Variants in PSD3 observed in about 807,000 individuals in gnomAD.
PSD3 encodes the protein PH and SEC7 domain-containing protein 3.
PSD3 carries 49 observed loss-of-function variants against 105.5 expected under a neutral mutation model. The ratio of observed to expected loss-of-function variants is 0.46; its 90% confidence interval spans 0.37 to 0.59. The LOEUF (loss-of-function observed/expected upper bound fraction) is 0.59. PSD3 is among the 20% of genes least tolerant of loss of function. The pLI is 0.00. For missense variants in PSD3, 1,561 were observed against 1,263.8 expected (o/e 1.24, Z -3.57); for synonymous variants, 557 against 457.8 (o/e 1.22, Z -2.77).
intron 9 of PSD3, among the ~76,000 whole-genome samples, chr8:18,741,661 C>T (rs993164179): frequency 6.6e-6 from 1 of 152,040 alleles, no homozygotes; most frequent in African/African-American, 2.4e-5. Context: ...TTTTAAAATC[C>T]AATCCTGTGC....
chr8:18,749,335 AGAC>A (rs760518733), intron 9 of PSD3, among the ~76,000 whole-genome samples: 1 of 152,228 alleles, frequency 6.6e-6, no homozygotes, highest in African/African-American at 2.4e-5. Context: ...ACGTTTCAAT[AGAC>A]GACAAGGTGC....
At chr8:19,026,218 G>T (rs1451625045) in intron 1 of PSD3, among the ~76,000 whole-genome samples, 2 of 152,130 alleles carry the variant, frequency 1.3e-5, no homozygotes, top group African/African-American at 4.8e-5. Flanking sequence ...AGGTTTGGGT[G>T]GCGACACAGC....
At position 18,918,283 on chromosome 8, in the gene PSD3, C is replaced by G. The variant is rs1485122172; in HGVS notation, c.130+17751G>C. Among the ~76,000 whole-genome samples, 3 of 152,120 alleles carry G rather than the reference C, an allele frequency of 2.0e-5. No homozygotes were observed. The East Asian group carries it at 5.8e-4, about 29-fold the overall frequency. ...GTCAAAACATCTTTCTTCCCAGCAC[C>G]CGTTCTAAATTATCTTCAAAAACTC... On this transcript the variant is annotated intron_variant, in intron 2 of 15. Transcript: ENST00000327040.
chr8:19,012,819 G>C (rs535440430), intron 1 of PSD3, among the ~76,000 whole-genome samples: 10 of 152,292 alleles, frequency 6.6e-5, no homozygotes, highest in African/African-American at 2.4e-4. Context: ...AGTTATTCTG[G>C]AGCGGAAATC....
chr8:18,865,475 T>G (rs2129456302), intron 4 of PSD3, among the ~76,000 whole-genome samples: 1 of 151,636 alleles, frequency 6.6e-6, no homozygotes, highest in South Asian at 2.1e-4. Flanking sequence ...CTTAGGATCA[T>G]TAAACCTGCC....
intron 9 of PSD3, among the ~76,000 whole-genome samples, chr8:18,692,842 T>A (rs1801046219): frequency 6.6e-6 from 1 of 152,144 alleles, no homozygotes; most frequent in African/African-American, 2.4e-5. Context: ...CCTCACTGGA[T>A]AAGGTCTCTC....
chr8:19,030,475 G>T lies in PSD3; in HGVS notation c.324+53731C>A, dbSNP rs141220917. ...GGTGAATGATCCATGGCTTGGTGTT[G>T]TCTTTCTGATAGTGAGTTCTCATGA... On this transcript the variant is annotated intron_variant, in intron 1 of 1. Coordinates refer to the PSD3 transcript ENST00000521475. Among the ~76,000 whole-genome samples the T allele has an allele frequency of 6.2e-3, 947 of 152,186 alleles. 6 individuals are homozygous for T. Among genetic ancestry groups the T allele is most frequent in the South Asian group, 0.026 (123 of 4,822 alleles).
chr8:18,858,011 T>C (rs551879446), intron 4 of PSD3, among the ~76,000 whole-genome samples: 2 of 152,174 alleles, frequency 1.3e-5, no homozygotes, highest in Non-Finnish European at 2.9e-5. Context: ...CTCATTAGCA[T>C]TCATGAGAAA....
chr8:18,953,059 T>C (rs1377918065), intron 1 of PSD3, among the ~76,000 whole-genome samples: 1 of 152,074 alleles, frequency 6.6e-6, no homozygotes, highest in Non-Finnish European at 1.5e-5. Context: ...AGGCAGAAGA[T>C]AAAAACAGAC....
chr8:18,995,738 C>G (rs942677568), intron 1 of PSD3, among the ~76,000 whole-genome samples: 3 of 151,992 alleles, frequency 2.0e-5, no homozygotes, highest in African/African-American at 4.8e-5. Context: ...TACATAGTGG[C>G]AGGCAAGAGA....
rs1182186491 is a variant in PSD3 at position 19,013,703 on chromosome 8, C to G, written c.-120G>C. The G allele has an allele frequency of 3.4e-6, 3 of 886,196 alleles. No homozygotes were observed. The highest frequency in any genetic ancestry group is 4.7e-5 in the East Asian group (1 of 21,504). 54.9% of individuals were successfully genotyped at this position (886,196 alleles called of 1,614,324 possible). The stretch of plus-strand genomic sequence containing the variant: ...CTCTTTGTTGAGCTCCCGGGACTGC[C>G]GAGAGGCGGCGGCCCGCGCGCACCC... On this transcript the variant is annotated 5_prime_UTR_variant, in exon 1 of 16. Coordinates refer to ENST00000327040, the MANE Select transcript of PSD3 (RefSeq NM_015310.4).
At chr8:18,575,323 C>T (rs548606876) in intron 12 of PSD3, 38 bp from the exon 13 acceptor site, 26 of 1,492,598 alleles carry the variant, frequency 1.7e-5, no homozygotes, top group South Asian at 1.1e-4. Flanking sequence ...GCAAAAATCA[C>T]GATCAGATTT....
chr8:18,799,675 CTATACATAG>C (rs541266705), intron 7 of PSD3, among the ~76,000 whole-genome samples: 60 of 152,106 alleles, frequency 3.9e-4, no homozygotes, highest in Non-Finnish European at 7.2e-4. Flanking sequence ...AATTAGTGAT[CTATACATAG>C]TACAAGGATA....
At chr8:18,792,949 G>C (rs922243460) in intron 8 of PSD3, among the ~76,000 whole-genome samples, 4 of 152,260 alleles carry the variant, frequency 2.6e-5, no homozygotes, top group African/African-American at 9.6e-5. Flanking sequence ...ATGATAGACT[G>C]GATTAAGAAA....
At chr8:18,822,408 G>A (rs578049284) in intron 4 of PSD3, among the ~76,000 whole-genome samples, 1 of 152,222 alleles carries the variant, frequency 6.6e-6, no homozygotes, top group South Asian at 2.1e-4. Flanking sequence ...CCATCCCCGG[G>A]AGTGTGTTCC....
intron 12 of PSD3, among the ~76,000 whole-genome samples, chr8:18,592,390 C>A (rs533405844): frequency 6.6e-6 from 1 of 152,142 alleles, no homozygotes; most frequent in South Asian, 2.1e-4. Context: ...CATCATTATG[C>A]AGACCAACAC....
rs74475226 is a variant in PSD3, at chr8:19,003,659, C to T, written c.21+9904G>A. 0.016 allele frequency among the ~76,000 whole-genome samples: 2,372 copies of T among 151,616 alleles called. 132 individuals are homozygous for T. The East Asian group carries it at 0.17, about 11-fold the overall frequency. On this transcript the variant is annotated intron_variant, in intron 1 of 15. Transcript: ENST00000327040. The stretch of plus-strand genomic sequence containing the variant: ...AGGGAAGAAGGAGGGAGGATTCCTC[C>T]CAAGAGAGTGGTGGCAACTTTACAA...
chr8:19,020,181 G>A (rs992082548), intron 1 of PSD3, among the ~76,000 whole-genome samples: 1 of 152,092 alleles, frequency 6.6e-6, no homozygotes, highest in African/African-American at 2.4e-5. Context: ...CATGGAGCTT[G>A]GGAAGACAGA....
At chr8:18,900,117 C>T (rs1586366365) in intron 2 of PSD3, among the ~76,000 whole-genome samples, 1 of 152,152 alleles carries the variant, frequency 6.6e-6, no homozygotes. Flanking sequence ...TGCTGCTTCT[C>T]CTGTTATCTT....
Sources: allele counts gnomAD v4.1 joint callset (sites outside exome capture counted in the v4.1 genomes callset), GRCh38; gene constraint gnomAD v4.1.1; transcripts MANE v1.5; gene names NCBI Gene and HGNC (gene_info 2026-07-23, HGNC 2026-07-21).